The following NBEA variants were observed in gnomAD, a reference collection of about 807,000 sequenced individuals.
The protein encoded by NBEA is neurobeachin, also known as lysosomal-trafficking regulator 2.
In NBEA, 44 loss-of-function variants were observed where a neutral mutation model predicts 343.4. That is an observed-to-expected ratio of 0.13 (90% CI 0.10 to 0.16). The LOEUF (loss-of-function observed/expected upper bound fraction) is 0.16. NBEA is among the 10% of genes least tolerant of loss of function. The pLI is 1.00. For missense variants in NBEA, 2,555 were observed against 3,631.3 expected, an observed-to-expected ratio of 0.70 and a Z score of 7.62; for synonymous variants, 1,175 against 1,238.7, an observed-to-expected ratio of 0.95 and a Z score of 1.08.
At chr13:35,475,947 C>T in intron 41 of NBEA, 1 of 1,614,124 alleles carries the variant, frequency 6.2e-7, no homozygotes. Flanking sequence ...CCTCGAGGCC[C>T]TCGTAGCGAT....
At chr13:35,601,598 C>T (rs1031325624) in intron 47 of NBEA, among the ~76,000 whole-genome samples, 10 of 151,708 alleles carry the variant, frequency 6.6e-5, no homozygotes, top group Non-Finnish European at 4.4e-5. Flanking sequence ...CCCATCTCTA[C>T]TAAAAATACA....
intron 1 of NBEA, among the ~76,000 whole-genome samples, chr13:35,002,562 G>A (rs2061177553): frequency 6.6e-6 from 1 of 152,118 alleles, no homozygotes; most frequent in South Asian, 2.1e-4. Flanking sequence ...TTAAACATAT[G>A]CATTAGAAAA....
At chr13:35,026,911 A>G (rs1043131914) in intron 1 of NBEA, among the ~76,000 whole-genome samples, 5 of 152,100 alleles carry the variant, frequency 3.3e-5, no homozygotes, top group African/African-American at 1.2e-4. Context: ...TCTTACCCTC[A>G]TAACCCTAAC....
At chr13:35,362,692 GC>G (rs2040880022) in intron 38 of NBEA, among the ~76,000 whole-genome samples, 1 of 151,864 alleles carries the variant, frequency 6.6e-6, no homozygotes, top group South Asian at 2.1e-4. Flanking sequence ...CTCACAGAAG[GC>G]TATGTTATAG....
intron 38 of NBEA, among the ~76,000 whole-genome samples, chr13:35,382,683 A>C (rs2042072267): frequency 6.6e-6 from 1 of 152,196 alleles, no homozygotes; most frequent in Non-Finnish European, 1.5e-5. Context: ...TTTAAATCAC[A>C]ACTTTTTAAT....
chr13:35,475,748 T>G, intron 41 of NBEA: 1 of 1,613,938 alleles, frequency 6.2e-7, no homozygotes, highest in Non-Finnish European at 8.5e-7. Flanking sequence ...GTCTGAAACC[T>G]GGACCGGATT....
intron 38 of NBEA, among the ~76,000 whole-genome samples, chr13:35,385,426 A>G (rs1046141371): frequency 1.3e-5 from 2 of 152,190 alleles, no homozygotes; most frequent in African/African-American, 4.8e-5. Context: ...TGGGCCAGGA[A>G]TGGTGGCACA....
chr13:35,418,318 C>T (rs2044064367), intron 38 of NBEA, among the ~76,000 whole-genome samples: 1 of 151,896 alleles, frequency 6.6e-6, no homozygotes, highest in Non-Finnish European at 1.5e-5. Flanking sequence ...TCTATAGTGA[C>T]TCATTTGCAG....
chr13:35,254,582 A>G (rs1451976610), intron 34 of NBEA, among the ~76,000 whole-genome samples: 1 of 152,032 alleles, frequency 6.6e-6, no homozygotes, highest in Non-Finnish European at 1.5e-5. Flanking sequence ...TCAGCCTCCC[A>G]AACTGTTGAA....
chr13:35,121,937 G>T (rs1194149025), intron 16 of NBEA, among the ~76,000 whole-genome samples: 1 of 151,958 alleles, frequency 6.6e-6, no homozygotes, highest in Non-Finnish European at 1.5e-5. Context: ...TAATGTTACA[G>T]CCCCTAAAGA....
At chr13:35,103,669 T>A (rs1240281620) in intron 11 of NBEA, among the ~76,000 whole-genome samples, 4 of 151,842 alleles carry the variant, frequency 2.6e-5, no homozygotes, top group Non-Finnish European at 4.4e-5. Flanking sequence ...TCCAAACTGA[T>A]TTTTCTCTTA....
chr13:35,179,326 G>A (rs997285297), intron 28 of NBEA, among the ~76,000 whole-genome samples: 2 of 151,330 alleles, frequency 1.3e-5, no homozygotes, highest in East Asian at 1.9e-4. Context: ...GATGTTGTTC[G>A]GAAGGTACAC....
intron 41 of NBEA, among the ~76,000 whole-genome samples, chr13:35,498,744 C>A (rs566771749): frequency 6.0e-4 from 92 of 152,126 alleles, no homozygotes; most frequent in Non-Finnish European, 1.0e-3. Flanking sequence ...TACATTAAAT[C>A]TTTTATTCAT....
chr13:35,044,184 A>G (rs1199223874), intron 2 of NBEA, among the ~76,000 whole-genome samples: 1 of 152,150 alleles, frequency 6.6e-6, no homozygotes, highest in African/African-American at 2.4e-5. Flanking sequence ...TTTAAATTAC[A>G]CTTCTACTTA....
At chr13:35,449,305 G>C (rs564315910) in intron 39 of NBEA, among the ~76,000 whole-genome samples, 1 of 152,202 alleles carries the variant, frequency 6.6e-6, no homozygotes, top group African/African-American at 2.4e-5. Context: ...TATGGAAGGC[G>C]GTGTGAGTCA....
Position 35,554,562 on chromosome 13 carries a change from G to C in NBEA, c.6807-425G>C, listed in dbSNP as rs1041857898. 2.6e-5 allele frequency among the ~76,000 whole-genome samples: 4 copies of C among 152,212 alleles called. No homozygotes were observed. The East Asian group carries it at 7.7e-4, about 29-fold the overall frequency. ...TGTGTACACACTCTGTGTGTGTGAA[G>C]GCAAGTCGAAGAAGTTCATTGATAG... is the stretch of plus-strand genomic sequence containing the variant. On this transcript the variant is annotated intron_variant, in intron 43 of 58. Transcript: ENST00000379939.
intron 14 of NBEA, 46 bp from the exon 15 acceptor site, chr13:35,118,182 A>G (rs761806486): frequency 8.2e-7 from 1 of 1,226,262 alleles, no homozygotes; most frequent in Non-Finnish European, 1.1e-6. Flanking sequence ...TTAAATTAAA[A>G]TTTTAATTTT....
chr13:35,584,103 TA>T, intron 46 of NBEA, 65 bp downstream of exon 46: 1 of 1,402,262 alleles, frequency 7.1e-7, no homozygotes, highest in Non-Finnish European at 1.0e-6. Context: ...GTAAATTAAA[TA>T]AAAATCAAAT....
intron 53 of NBEA, 146 bp from the exon 54 acceptor site, chr13:35,654,709 C>A: frequency 1.7e-6 from 1 of 582,806 alleles, no homozygotes; most frequent in Non-Finnish European, 2.8e-6. Flanking sequence ...ATTTATATTC[C>A]TCAAGGGAGA....
Sources: allele counts gnomAD v4.1 joint callset (sites outside exome capture counted in the v4.1 genomes callset), GRCh38; gene constraint gnomAD v4.1.1; transcripts MANE v1.5; gene names NCBI Gene and HGNC (gene_info 2026-07-23, HGNC 2026-07-21).